MEGF6: variants seen among roughly 807,000 people sequenced by gnomAD.
MEGF6 encodes the protein multiple EGF like domains 6, also known as multiple epidermal growth factor-like domains protein 6.
A neutral mutation model predicts 207.1 loss-of-function variants in MEGF6; 184 were observed. The ratio of observed to expected loss-of-function variants is 0.89; its 90% confidence interval spans 0.79 to 1.00. MEGF6 has a LOEUF of 1.00. Among genes scored for constraint, MEGF6 ranks in the 50% least tolerant of loss-of-function variants. The pLI is 0.00. For synonymous variants in MEGF6, 1,038 were observed against 910.0 expected, an observed-to-expected ratio of 1.14 and a Z score of -2.53; for missense variants, 2,282 against 2,202.9, an observed-to-expected ratio of 1.04 and a Z score of -0.72.
intron 17 of MEGF6, among the ~76,000 whole-genome samples, chr1:3,502,255 G>C (rs965822675): frequency 1.3e-5 from 2 of 152,030 alleles, no homozygotes; most frequent in Non-Finnish European, 2.9e-5. Flanking sequence ...CTGGGGCAGC[G>C]TGGGAGAGGC....
In MEGF6 at chr1:3,498,735, C is replaced by A. The variant is rs370693971; in HGVS notation, c.3186G>T (p.Ala1062=). Residue 1062 remains alanine, a synonymous_variant, in exon 25 of 37, where the codon GCG becomes GCT. Coordinates refer to ENST00000356575, the MANE Select transcript of MEGF6 (RefSeq NM_001409.4). ...CCAGGCCGGCCCAGCCCTCTGGGCA[C>A]GCACAGTGGCCTGAGACAGGGTCAC... ...GTCDPVSGHC[A]CPEGWAGLAC... is the part of the protein sequence containing the mutation. 364 of 1,566,150 alleles carry A rather than the reference C, an allele frequency of 2.3e-4. No homozygotes were observed. The highest frequency in any genetic ancestry group is 5.3e-4 in the South Asian group (45 of 85,640).
At chr1:3,515,336 G>GC in intron 6 of MEGF6, 66 bp downstream of exon 6, 1 of 1,539,046 alleles carries the variant, frequency 6.5e-7, no homozygotes, top group South Asian at 1.2e-5. Context: ...CCACCCAACA[G>GC]CCCAGGCGAG....
rs199898758 is a variant in MEGF6, at chr1:3,524,154, G to C, written c.574C>G (p.Arg192Gly). 6 of 1,612,686 alleles carry C rather than the reference G, an allele frequency of 3.7e-6. No homozygotes were observed. The highest frequency in any genetic ancestry group is 5.1e-6 in the Non-Finnish European group (6 of 1,179,820). ...SYLCECKPGF[R>G]LHTDSRTCLA... ...CAGGTCCTGCTGTCAGTGTGGAGCCGGAAGCCGGGCTTGCACTCACAGAGG... is the reference window on the plus strand; with the variant it reads ...CAGGTCCTGCTGTCAGTGTGGAGCCCGAAGCCGGGCTTGCACTCACAGAGG... The change falls in exon 5 of 37, where the codon CGG (arginine) becomes GGG (glycine). Residue 192 changes from arginine (R) to glycine (G), a missense_variant. Transcript: ENST00000356575.
Position 3,499,689 on chromosome 1 carries a change from T to C in MEGF6, c.2864A>G (p.Asp955Gly), listed in dbSNP as rs1265738038. 1 of 1,603,034 alleles carries C rather than the reference T, an allele frequency of 6.2e-7. No homozygotes were observed. Reference sequence around the variant, plus strand: ...GGTGCAGTTGCAGGCACTGCGACAGTCCAATCCAAAGAAGCCGGCCGGGCA... The same window carrying C: ...GGTGCAGTTGCAGGCACTGCGACAGCCCAATCCAAAGAAGCCGGCCGGGCA... ...HACPAGFFGLDCRSACNCTAG... is the reference protein window; with the variant it reads ...HACPAGFFGLGCRSACNCTAG... The change falls in exon 23 of 37, where the codon GAC becomes GGC. Residue 955 changes from aspartate (D) to glycine (G), a missense_variant. Asp to Gly is a moderately conservative substitution (Grantham distance 94, BLOSUM62 -1). Transcript: ENST00000356575.
In MEGF6 at chr1:3,578,436, AG is replaced by A. The variant is rs371125632; in HGVS notation, c.481+1388del. Among the ~76,000 whole-genome samples, 1,324 of 151,988 alleles carry A rather than the reference AG, an allele frequency of 8.7e-3. 14 individuals carry two copies. Among genetic ancestry groups the A allele is most frequent in the African/African-American group, 0.03 (1,232 of 41,500 alleles). ...TGTGGACCCCACCTGTCCTCGGAAC[AG>A]GGATGGGTCACCTCTGACCAGCCCG... On this transcript the variant is annotated intron_variant, in intron 4 of 36. Transcript: ENST00000356575.
intron 4 of MEGF6, among the ~76,000 whole-genome samples, chr1:3,576,630 C>A (rs1391976899): frequency 6.6e-6 from 1 of 151,964 alleles, no homozygotes; most frequent in Non-Finnish European, 1.5e-5. Context: ...CTGCAGGCAG[C>A]ACCCCCTCAG....
intron 4 of MEGF6, among the ~76,000 whole-genome samples, chr1:3,555,392 C>A (rs1643003331): frequency 6.6e-6 from 1 of 152,162 alleles, no homozygotes; most frequent in African/African-American, 2.4e-5. Context: ...GTGTGGCTGA[C>A]CCCCAAGCCG....
intron 17 of MEGF6, among the ~76,000 whole-genome samples, chr1:3,502,477 G>A (rs1640945396): frequency 6.6e-6 from 1 of 152,276 alleles, no homozygotes; most frequent in Non-Finnish European, 1.5e-5. Flanking sequence ...GGGCTGGGGA[G>A]GCTGTGCACC....
intron 5 of MEGF6, among the ~76,000 whole-genome samples, chr1:3,521,690 A>T (rs1268152033): frequency 6.6e-6 from 1 of 152,120 alleles, no homozygotes; most frequent in East Asian, 1.9e-4. Flanking sequence ...GCCCAGGCTG[A>T]CAAACCCATG....
chr1:3,599,345 C>T (rs1454223075), intron 2 of MEGF6, among the ~76,000 whole-genome samples: 1 of 152,246 alleles, frequency 6.6e-6, no homozygotes, highest in African/African-American at 2.4e-5. Context: ...CCAGGCAAGC[C>T]AGGGTGCCCT....
chr1:3,603,010 G>A (rs935118090), intron 1 of MEGF6, among the ~76,000 whole-genome samples: 1 of 152,172 alleles, frequency 6.6e-6, no homozygotes, highest in Non-Finnish European at 1.5e-5. Flanking sequence ...CTTCAGAGAT[G>A]TCCCCAGGCC....
intron 1 of MEGF6, among the ~76,000 whole-genome samples, chr1:3,608,119 G>A (rs1307232915): frequency 3.3e-5 from 5 of 152,042 alleles, no homozygotes; most frequent in South Asian, 2.1e-4. Context: ...TTAAAGGCTC[G>A]TTTTTACCCC....
intron 2 of MEGF6, among the ~76,000 whole-genome samples, chr1:3,595,895 G>T (rs1473812534): frequency 6.6e-6 from 1 of 152,166 alleles, no homozygotes; most frequent in Non-Finnish European, 1.5e-5. Context: ...GGCCCATGGT[G>T]CCCGGGACCG....
chr1:3,490,175 TGCCTGCACCTGC>T lies in MEGF6; in HGVS notation c.*341_*352del. 3.0e-6 allele frequency: 1 copy of T among 338,688 alleles called. No homozygotes were observed. Among genetic ancestry groups the T allele is most frequent in the Admixed American group, 4.9e-5 (1 of 20,260 alleles). 21.0% of individuals were successfully genotyped at this position (338,688 alleles called of 1,614,324 possible). A position where few individuals can be genotyped will look rare whatever the true frequency, so the allele number is the denominator to read the frequency against. ...GCCTGCCTGGAGGACAGTGGCCCTG[TGCCTGCACCTGC>T]GCCTGCACCCACACTGGCGCCCACA... On this transcript the variant is annotated 3_prime_UTR_variant, in exon 37 of 37. Transcript: ENST00000356575.
At chr1:3,508,796 C>T (rs1276860446) in intron 12 of MEGF6, 107 bp from the exon 13 acceptor site, 1 of 1,417,276 alleles carries the variant, frequency 7.1e-7, no homozygotes, top group Admixed American at 2.2e-5. Flanking sequence ...AAGGGGCATC[C>T]TCGGCCCATG....
intron 1 of MEGF6, among the ~76,000 whole-genome samples, chr1:3,607,716 G>A (rs1224004355): frequency 2.0e-5 from 3 of 152,220 alleles, no homozygotes; most frequent in Non-Finnish European, 2.9e-5. Flanking sequence ...TGTTCCTTGC[G>A]GCTGGATCCC....
intron 4 of MEGF6, among the ~76,000 whole-genome samples, chr1:3,561,475 C>T (rs773930241): frequency 4.6e-5 from 7 of 152,224 alleles, no homozygotes; most frequent in Admixed American, 6.5e-5. Context: ...CAGCCCAGGA[C>T]GCAACGCCCT....
chr1:3,532,337 C>T (rs1458729606), intron 4 of MEGF6, among the ~76,000 whole-genome samples: 26 of 152,354 alleles, frequency 1.7e-4, no homozygotes, highest in Admixed American at 1.4e-3. Context: ...AGCCCCTTCT[C>T]GCACCTATCC....
At chr1:3,574,659 T>C (rs1363301750) in intron 4 of MEGF6, among the ~76,000 whole-genome samples, 3 of 152,230 alleles carry the variant, frequency 2.0e-5, no homozygotes, top group Non-Finnish European at 4.4e-5. Context: ...TATTTATCTA[T>C]TGAGACAGGG....
Sources: gnomAD v4.1 joint callset for allele counts (sites outside exome capture counted in the v4.1 genomes callset) on GRCh38, gnomAD v4.1.1 for gene constraint, MANE v1.5 for transcripts, NCBI Gene and HGNC (gene_info 2026-07-23, HGNC 2026-07-21) for gene names.